The following FBXO33 variants were observed in gnomAD, a reference collection of about 807,000 sequenced individuals.
FBXO33 encodes the protein F-box only protein 33.
In FBXO33, 22 loss-of-function variants were observed where a neutral mutation model predicts 46.3. That is an observed-to-expected ratio of 0.48 (90% CI 0.34 to 0.68). The LOEUF (loss-of-function observed/expected upper bound fraction) is 0.68. Ranked by LOEUF, FBXO33 falls within the 30% of genes least tolerant of loss-of-function variation. FBXO33 has a pLI of 0.01. For missense variants in FBXO33, 692 were observed against 708.8 expected, an observed-to-expected ratio of 0.98 and a Z score of 0.27; for synonymous variants, 337 against 291.3, an observed-to-expected ratio of 1.16 and a Z score of -1.60.
Position 39,398,675 on chromosome 14 carries a change from A to AATCCAGT in FBXO33, c.*834_*840dup, listed in dbSNP as rs1884454056. 1 of 152,624 alleles carries AATCCAGT rather than the reference A, an allele frequency of 6.6e-6. No homozygotes were observed. Among genetic ancestry groups the AATCCAGT allele is most frequent in the Non-Finnish European group, 1.5e-5 (1 of 68,036 alleles). 9.5% of individuals were successfully genotyped at this position (152,624 alleles called of 1,614,324 possible). A position where few individuals can be genotyped will look rare whatever the true frequency, so the allele number is the denominator to read the frequency against. ...GCTGACACGCGTGCTGACAGAGAAAAATCCAGTGACTTGTTGCTAGGGATT... is the reference window on the plus strand; with the variant it reads ...GCTGACACGCGTGCTGACAGAGAAAAATCCAGTATCCAGTGACTTGTTGCTAGGGATT... On this transcript the variant is annotated 3_prime_UTR_variant, in exon 4 of 4. Coordinates refer to ENST00000298097, the MANE Select transcript of FBXO33 (RefSeq NM_203301.4).
rs552079108 is a variant in FBXO33, at chr14:39,399,352, C to T, written c.*164G>A. On this transcript the variant is annotated 3_prime_UTR_variant, in exon 4 of 4. Coordinates refer to ENST00000298097, the MANE Select transcript of FBXO33 (RefSeq NM_203301.4). ...GTCACTTTGAACTTCTAAACCAATA[C>T]CCGACTACGTTCTTTGATCAAGAAG... The T allele has an allele frequency of 1.6e-6, 1 of 608,620 alleles. No individual in the cohort carries two copies. The highest frequency in any genetic ancestry group is 2.9e-5 in the East Asian group (1 of 34,314). 37.7% of individuals were successfully genotyped at this position (608,620 alleles called of 1,614,324 possible).
At chr14:39,417,470 T>C (rs2075453740) in intron 1 of FBXO33, among the ~76,000 whole-genome samples, 1 of 152,234 alleles carries the variant, frequency 6.6e-6, no homozygotes, top group African/African-American at 2.4e-5. Flanking sequence ...TGTATGTGGC[T>C]GGGTGCTACA....
At position 39,432,148 on chromosome 14, in the gene FBXO33, C is replaced by A; in HGVS notation, c.15G>T (p.Leu5Phe). The A allele has an allele frequency of 8.1e-7, 1 of 1,236,718 alleles. No homozygotes were observed. The highest frequency in any genetic ancestry group is 1.0e-6 in the Non-Finnish European group (1 of 990,058). 76.6% of individuals were successfully genotyped at this position (1,236,718 alleles called of 1,614,324 possible). The change falls in exon 1 of 4, where the codon TTG (leucine) becomes TTT (phenylalanine). Residue 5 changes from leucine to phenylalanine, a missense_variant. Physicochemically the swap from Leu to Phe is conservative, Grantham distance 22. Coordinates refer to ENST00000298097, the MANE Select transcript of FBXO33 (RefSeq NM_203301.4). MLLF[L>F]SVPQPRPPGA... ...CCGGCGGTCGGGGCTGCGGCACTGA[C>A]AAGAACAACAACATCAATGACTAGG...
chr14:39,423,273 C>T (rs1419365474), intron 1 of FBXO33, among the ~76,000 whole-genome samples: 5 of 152,132 alleles, frequency 3.3e-5, no homozygotes, highest in African/African-American at 4.8e-5. Context: ...CTGACACTTG[C>T]TAACATGTTA....
At chr14:39,413,539 C>T (rs754262795) in intron 1 of FBXO33, among the ~76,000 whole-genome samples, 1 of 152,160 alleles carries the variant, frequency 6.6e-6, no homozygotes, top group East Asian at 1.9e-4. Flanking sequence ...ATGGGTGAAT[C>T]GTTTTTATAA....
At chr14:39,427,646 A>G (rs1287030554) in intron 1 of FBXO33, among the ~76,000 whole-genome samples, 1 of 152,172 alleles carries the variant, frequency 6.6e-6, no homozygotes, top group East Asian at 1.9e-4. Flanking sequence ...CCATTTTAAA[A>G]TGCATTTTTA....
At chr14:39,412,087 T>A (rs1182079662) in intron 1 of FBXO33, among the ~76,000 whole-genome samples, 1 of 152,230 alleles carries the variant, frequency 6.6e-6, no homozygotes, top group Non-Finnish European at 1.5e-5. Context: ...TGGCCCATAG[T>A]TTGGTTAAAA....
chr14:39,403,669 A>G (rs1177277231), intron 1 of FBXO33, among the ~76,000 whole-genome samples: 1 of 152,244 alleles, frequency 6.6e-6, no homozygotes, highest in Non-Finnish European at 1.5e-5. Context: ...AACTGGATGA[A>G]GAGAAAACTC....
chr14:39,416,380 C>A (rs544432597), intron 1 of FBXO33, among the ~76,000 whole-genome samples: 4 of 152,180 alleles, frequency 2.6e-5, no homozygotes, highest in African/African-American at 9.6e-5. Context: ...CACTCTTTGA[C>A]CTTCATGAAT....
intron 1 of FBXO33, among the ~76,000 whole-genome samples, chr14:39,414,654 C>T (rs924385813): frequency 6.6e-6 from 1 of 152,044 alleles, no homozygotes; most frequent in Admixed American, 6.6e-5. Context: ...TATTAATAAG[C>T]CTAATTTTTT....
At chr14:39,420,473 G>C (rs1309325848) in intron 1 of FBXO33, among the ~76,000 whole-genome samples, 1 of 152,116 alleles carries the variant, frequency 6.6e-6, no homozygotes, top group Non-Finnish European at 1.5e-5. Context: ...GGCGGATCAC[G>C]AGGTCAGATC....
intron 1 of FBXO33, among the ~76,000 whole-genome samples, chr14:39,409,057 C>T (rs992668882): frequency 2.0e-5 from 3 of 152,056 alleles, no homozygotes; most frequent in African/African-American, 7.2e-5. Context: ...TTTAATTTTG[C>T]TGATTGTTTC....
intron 1 of FBXO33, among the ~76,000 whole-genome samples, chr14:39,405,159 TTAAA>T (rs2139403702): frequency 6.6e-6 from 1 of 151,328 alleles, no homozygotes; most frequent in Non-Finnish European, 1.5e-5. Flanking sequence ...AATAAAATGA[TTAAA>T]TTTCTGTCTA....
chr14:39,429,251 G>A (rs1401464120), intron 1 of FBXO33, among the ~76,000 whole-genome samples: 2 of 152,132 alleles, frequency 1.3e-5, no homozygotes, highest in Non-Finnish European at 1.5e-5. Context: ...AAGGAATTCA[G>A]CACAAAGCCT....
intron 1 of FBXO33, among the ~76,000 whole-genome samples, chr14:39,417,644 C>T (rs1157817971): frequency 1.3e-5 from 2 of 152,228 alleles, no homozygotes; most frequent in East Asian, 1.9e-4. Flanking sequence ...AATTCTCCTG[C>T]CTCAGCCTCC....
intron 1 of FBXO33, among the ~76,000 whole-genome samples, chr14:39,422,842 G>A (rs918722372): frequency 1.3e-5 from 2 of 152,200 alleles, no homozygotes; most frequent in Non-Finnish European, 2.9e-5. Context: ...AAATGCTTAA[G>A]GCCGGGTGCA....
At chr14:39,419,254 G>A (rs2075467343) in intron 1 of FBXO33, among the ~76,000 whole-genome samples, 1 of 152,170 alleles carries the variant, frequency 6.6e-6, no homozygotes, top group Non-Finnish European at 1.5e-5. Context: ...GAGCAGTATA[G>A]GATGAACATT....
intron 1 of FBXO33, among the ~76,000 whole-genome samples, chr14:39,427,594 C>T (rs1015025883): frequency 1.9e-4 from 29 of 152,024 alleles, no homozygotes; most frequent in African/African-American, 6.5e-4. Context: ...GCATTTTCTA[C>T]CATCTTAGGT....
At chr14:39,420,479 A>AGGC (rs2075477059) in intron 1 of FBXO33, among the ~76,000 whole-genome samples, 1 of 152,124 alleles carries the variant, frequency 6.6e-6, no homozygotes, top group Non-Finnish European at 1.5e-5. Flanking sequence ...TCACGAGGTC[A>AGGC]GATCGAGACC....
Sources: gnomAD v4.1 joint callset for allele counts (sites outside exome capture counted in the v4.1 genomes callset) on GRCh38, gnomAD v4.1.1 for gene constraint, MANE v1.5 for transcripts, NCBI Gene and HGNC (gene_info 2026-07-23, HGNC 2026-07-21) for gene names.